The following GALNT13 variants were observed in gnomAD, a reference collection of about 807,000 sequenced individuals.
GALNT13 encodes the protein UDP-GalNAc:polypeptide N-acetylgalactosaminyltransferase 13.
In GALNT13, 28 loss-of-function variants were observed where a neutral mutation model predicts 64.2. The ratio of observed to expected loss-of-function variants is 0.44; its 90% CI spans 0.32 to 0.60. The LOEUF (loss-of-function observed/expected upper bound fraction) is 0.60. Ranked by LOEUF, GALNT13 falls within the 20% of genes least tolerant of loss-of-function variation. The pLI, the probability that GALNT13 is intolerant of heterozygous loss-of-function variation, is 0.05. For synonymous variants in GALNT13, 214 were observed against 224.6 expected, an observed-to-expected ratio of 0.95 and a Z score of 0.42; for missense variants, 577 against 669.8, an observed-to-expected ratio of 0.86 and a Z score of 1.53.
chr2:154,427,808 C>A (rs535487023), intron 11 of GALNT13, among the ~76,000 whole-genome samples: 1 of 152,268 alleles, frequency 6.6e-6, no homozygotes, highest in East Asian at 1.9e-4. Flanking sequence ...ATAGATGAAA[C>A]CTGAAATCAA....
At chr2:153,570,340 G>C in the GALNT13 span, among the ~76,000 whole-genome samples, 2 of 152,098 alleles carry the variant, frequency 1.3e-5, no homozygotes, top group Non-Finnish European at 2.9e-5. Flanking sequence ...ATATATTCTG[G>C]CTGTCAATCC....
At chr2:154,085,049 C>A (rs1032956812) in intron 3 of GALNT13, among the ~76,000 whole-genome samples, 2 of 151,870 alleles carry the variant, frequency 1.3e-5, no homozygotes, top group African/African-American at 4.8e-5. Flanking sequence ...TGACAGAGAA[C>A]CCAACTCTAC....
chr2:153,244,376 A>T, the GALNT13 span, among the ~76,000 whole-genome samples: 1 of 152,244 alleles, frequency 6.6e-6, no homozygotes, highest in Non-Finnish European at 1.5e-5. Flanking sequence ...ATGGCCAAAT[A>T]GAAACAGCTC....
the GALNT13 span, among the ~76,000 whole-genome samples, chr2:153,318,442 A>G: frequency 2.0e-5 from 3 of 152,210 alleles, no homozygotes; most frequent in African/African-American, 7.2e-5. Flanking sequence ...AGGAGGTATT[A>G]TGTAAAGACT....
chr2:153,318,718 T>G, the GALNT13 span, among the ~76,000 whole-genome samples: 5 of 152,158 alleles, frequency 3.3e-5, no homozygotes, highest in African/African-American at 1.2e-4. Flanking sequence ...TTGAATTGGA[T>G]TTTTCTATGC....
chr2:154,225,352 G>T (rs984930303), intron 4 of GALNT13, among the ~76,000 whole-genome samples: 12 of 151,998 alleles, frequency 7.9e-5, no homozygotes, highest in African/African-American at 2.9e-4. Context: ...AACACGTTCT[G>T]CTTGCAAGTC....
At chr2:153,844,746 CACA>C in the GALNT13 span, among the ~76,000 whole-genome samples, 2 of 152,222 alleles carry the variant, frequency 1.3e-5, no homozygotes, top group African/African-American at 4.8e-5. Context: ...TCTTTCCTCT[CACA>C]TCTAAGCTTA....
At chr2:153,982,502 G>T (rs182018219) in intron 3 of GALNT13, among the ~76,000 whole-genome samples, 1 of 152,022 alleles carries the variant, frequency 6.6e-6, no homozygotes, top group African/African-American at 2.4e-5. Context: ...CACCAAGTTT[G>T]TATGTTGAAG....
At chr2:153,272,300 G>C in the GALNT13 span, among the ~76,000 whole-genome samples, 1 of 151,786 alleles carries the variant, frequency 6.6e-6, no homozygotes, top group African/African-American at 2.4e-5. Flanking sequence ...CACAGCAAAA[G>C]AAACAATCAT....
chr2:153,370,551 T>C, the GALNT13 span: 3 of 152,132 alleles, frequency 2.0e-5, no homozygotes, highest in African/African-American at 7.2e-5. Context: ...GTAGACTTAG[T>C]AGAAAATAAA....
At chr2:153,345,910 C>G in the GALNT13 span, among the ~76,000 whole-genome samples, 1 of 151,330 alleles carries the variant, frequency 6.6e-6, no homozygotes, top group Non-Finnish European at 1.5e-5. Flanking sequence ...ATTCTGTCAC[C>G]TCAGCCTCCT....
At chr2:153,788,293 A>G in the GALNT13 span, among the ~76,000 whole-genome samples, 1 of 152,212 alleles carries the variant, frequency 6.6e-6, no homozygotes, top group Non-Finnish European at 1.5e-5. Context: ...TATATTCAGT[A>G]TTCTTAAAAA....
At chr2:153,609,171 A>ATCT in the GALNT13 span, among the ~76,000 whole-genome samples, 27 of 151,762 alleles carry the variant, frequency 1.8e-4, no homozygotes, top group African/African-American at 6.5e-4. Context: ...TGAACTTGTG[A>ATCT]GCCTGCCTCA....
At chr2:153,115,354 A>C in the GALNT13 span, among the ~76,000 whole-genome samples, 3 of 152,206 alleles carry the variant, frequency 2.0e-5, no homozygotes, top group Admixed American at 2.0e-4. Flanking sequence ...TCCCAAGTGC[A>C]ATAAAACAAT....
the GALNT13 span, among the ~76,000 whole-genome samples, chr2:153,526,829 A>C: frequency 6.6e-6 from 1 of 152,182 alleles, no homozygotes. Flanking sequence ...CTATCAGATA[A>C]AATGAAAAAA....
chr2:153,488,968 C>T, the GALNT13 span, among the ~76,000 whole-genome samples: 42 of 152,250 alleles, frequency 2.8e-4, no homozygotes, highest in East Asian at 7.5e-3. Flanking sequence ...ATTTCCTGGC[C>T]TCCAGAACTG....
chr2:153,229,428 T>C, the GALNT13 span, among the ~76,000 whole-genome samples: 1 of 152,172 alleles, frequency 6.6e-6, no homozygotes, highest in Admixed American at 6.5e-5. Flanking sequence ...GTAAATTCTT[T>C]ATATAGTGTT....
At chr2:153,708,272 A>T in the GALNT13 span, among the ~76,000 whole-genome samples, 2 of 152,168 alleles carry the variant, frequency 1.3e-5, no homozygotes, top group African/African-American at 4.8e-5. Flanking sequence ...TAATGATATG[A>T]ATCTCATAGT....
chr2:153,214,201 C>T, the GALNT13 span, among the ~76,000 whole-genome samples: 8 of 151,878 alleles, frequency 5.3e-5, no homozygotes, highest in African/African-American at 1.9e-4. Flanking sequence ...AATGAAATGC[C>T]CCACAGCGTA....
Sources: allele counts gnomAD v4.1 joint callset (sites outside exome capture counted in the v4.1 genomes callset), GRCh38; gene constraint gnomAD v4.1.1; transcripts MANE v1.5; gene names NCBI Gene and HGNC (gene_info 2026-07-23, HGNC 2026-07-21).